Variants in ODAD1 observed in about 807,000 individuals in gnomAD.
ODAD1 encodes outer dynein arm docking complex subunit 1, also known as outer dynein arm-docking complex subunit 1.
ODAD1 carries 49 observed loss-of-function variants against 67.2 expected under a neutral mutation model. The ratio of observed to expected loss-of-function variants is 0.73; its 90% CI spans 0.58 to 0.92. ODAD1 has a LOEUF of 0.92. Among genes scored for constraint, ODAD1 ranks in the 40% least tolerant of loss-of-function variants. ODAD1 has a pLI of 0.00. For missense variants in ODAD1, 897 were observed against 953.7 expected (o/e 0.94, Z 0.78); for synonymous variants, 345 against 393.7 (o/e 0.88, Z 1.46).
Position 48,303,049 on chromosome 19 carries a change from G to A in ODAD1, c.1035C>T (p.Asn345=), listed in dbSNP as rs774088366. 1 of 1,614,136 alleles carries A rather than the reference G, an allele frequency of 6.2e-7. No individual in the cohort carries two copies. Among genetic ancestry groups the A allele is most frequent in the Admixed American group, 1.7e-5 (1 of 60,016 alleles). The change falls in exon 11 of 16, where the codon AAC becomes AAT. Residue 345 remains asparagine (N), a synonymous_variant. Coordinates refer to ENST00000674294, the MANE Select transcript of ODAD1 (RefSeq NM_001364171.2). ...CTTCCTGCACATGCTCCAGCTCCAA[G>A]TTCTGCTCGTTGATGAAGTTGAACT... ...FAEFNFINEQ[N]LELEHVQEEI... is the part of the protein sequence containing the mutation.
chr19:48,321,789 C>G lies in ODAD1; in HGVS notation c.-175G>C. 1 of 398,644 alleles carries G rather than the reference C, an allele frequency of 2.5e-6. No homozygotes were observed. The highest frequency in any genetic ancestry group is 4.4e-6 in the Non-Finnish European group (1 of 226,082). The allele number at this position is 398,644 out of a possible 1,614,324, so 24.7% of individuals were successfully genotyped here. ...GAGCCCGAGAGGTGCCGGTCTTAAG[C>G]TGACTGTGACCACGTTAAATTAAGG... On this transcript the variant is annotated 5_prime_UTR_variant, in exon 1 of 16. Coordinates refer to ENST00000674294, the MANE Select transcript of ODAD1 (RefSeq NM_001364171.2).
At chr19:48,316,493 A>G (rs1968902648) in intron 5 of ODAD1, among the ~76,000 whole-genome samples, 1 of 152,144 alleles carries the variant, frequency 6.6e-6, no homozygotes, top group Admixed American at 6.5e-5. Flanking sequence ...TCCTTCCCGC[A>G]ACACTTGGTA....
chr19:48,318,005 G>A (rs1206337187), intron 5 of ODAD1, among the ~76,000 whole-genome samples: 3 of 151,688 alleles, frequency 2.0e-5, no homozygotes, highest in Admixed American at 1.3e-4. Context: ...CCTGGGAGGC[G>A]AAGCTTGCAG....
At chr19:48,305,120 G>T (rs1968571318) in intron 8 of ODAD1, among the ~76,000 whole-genome samples, 1 of 152,144 alleles carries the variant, frequency 6.6e-6, no homozygotes, top group Non-Finnish European at 1.5e-5. Context: ...AGCCAGAGAA[G>T]AACTTAGTAG....
At chr19:48,315,525 C>T (rs533327872) in intron 5 of ODAD1, among the ~76,000 whole-genome samples, 1 of 152,282 alleles carries the variant, frequency 6.6e-6, no homozygotes, top group South Asian at 2.1e-4. Context: ...GCCTGGGTGA[C>T]AGAGCGAGAC....
intron 6 of ODAD1, 133 bp from the exon 7 acceptor site, chr19:48,311,799 G>T: frequency 1.3e-6 from 1 of 780,902 alleles, no homozygotes; most frequent in Non-Finnish European, 2.1e-6. Flanking sequence ...GTTCTTTGGG[G>T]TTCCCGAAAT....
intron 5 of ODAD1, among the ~76,000 whole-genome samples, chr19:48,315,331 G>C (rs1968869498): frequency 6.6e-6 from 1 of 152,176 alleles, no homozygotes; most frequent in Non-Finnish European, 1.5e-5. Flanking sequence ...GATCCCCTGA[G>C]GTCAGGAGTT....
At chr19:48,314,970 C>T (rs1373098220) in intron 5 of ODAD1, among the ~76,000 whole-genome samples, 1 of 151,714 alleles carries the variant, frequency 6.6e-6, no homozygotes, top group Non-Finnish European at 1.5e-5. Context: ...AAAGAAATGT[C>T]CAAAATGTTG....
chr19:48,306,229 C>A, intron 8 of ODAD1, 27 bp downstream of exon 8: 1 of 1,551,250 alleles, frequency 6.4e-7, no homozygotes, highest in African/African-American at 1.4e-5. Flanking sequence ...CTGGGTCCCG[C>A]CATCCCAGGA....
rs757626365 is a variant in ODAD1 at position 48,297,062 on chromosome 19, C to T, written c.2038G>A (p.Gly680Arg). The T allele has an allele frequency of 3.1e-6, 5 of 1,613,004 alleles. No homozygotes were observed. The highest frequency in any genetic ancestry group is 1.7e-4 in the Middle Eastern group (1 of 6,034). ...GTASDSSGGL[G>R]SSRDHVSSTG... ...CTGGAGACGTGGTCTCTGCTGGACCCGAGGCCTCCGCTCGAATCAGACGCT... is the reference window on the plus strand; with the variant it reads ...CTGGAGACGTGGTCTCTGCTGGACCTGAGGCCTCCGCTCGAATCAGACGCT... The change falls in exon 16 of 16, where the codon GGG (glycine) becomes AGG (arginine). Residue 680 changes from glycine to arginine, a missense_variant. Transcript: ENST00000674294.
intron 12 of ODAD1, chr19:48,301,232 C>T (rs1968454807): frequency 6.6e-6 from 1 of 152,190 alleles, no homozygotes; most frequent in Admixed American, 6.5e-5. Flanking sequence ...AATCTTGCGA[C>T]CAGTGTGGAA....
rs373284578 is a variant in ODAD1, at chr19:48,303,675, G to C, written c.963C>G (p.Asp321Glu). ...LSQLMGESDP[D>E]LLVQKYLEIE... ...TCTCCAGATACTTCTGCACCAACAG[G>C]TCAGGGTCACTCTCCCCCATCAGCT... The change falls in exon 10 of 16, where the codon GAC becomes GAG. Residue 321 changes from aspartate (D) to glutamate (E), a missense_variant. By Grantham distance (45) the Asp-to-Glu change is conservative (BLOSUM62 2). Coordinates refer to ENST00000674294, the MANE Select transcript of ODAD1 (RefSeq NM_001364171.2). 5.6e-6 allele frequency: 9 copies of C among 1,614,030 alleles called. No individual in the cohort carries two copies. The African/African-American group carries it at 9.3e-5, about 17-fold the overall frequency.
intron 10 of ODAD1, 185 bp from the exon 11 acceptor site, chr19:48,303,280 C>T: frequency 1.6e-6 from 1 of 631,542 alleles, no homozygotes; most frequent in Non-Finnish European, 2.8e-6. Context: ...GAAGATACGG[C>T]AGGTGGGACA....
rs574169405 is a variant in ODAD1 at position 48,321,755 on chromosome 19, T to C, written c.-141A>G. ...AGCCCTCGAAGCCAGGCCGAGGTCCTACAAGACGGAGCCCGAGAGGTGCCG... is the reference window on the plus strand; with the variant it reads ...AGCCCTCGAAGCCAGGCCGAGGTCCCACAAGACGGAGCCCGAGAGGTGCCG... On this transcript the variant is annotated 5_prime_UTR_variant, in exon 1 of 16. Transcript: ENST00000674294. 1.9e-4 allele frequency: 76 copies of C among 397,838 alleles called. No homozygotes were observed. Among genetic ancestry groups the C allele is most frequent in the Non-Finnish European group, 2.1e-4 (47 of 225,730 alleles). The allele number at this position is 397,838 out of a possible 1,614,324, so 24.6% of individuals were successfully genotyped here.
Position 48,297,095 on chromosome 19 carries a change from C to A in ODAD1, c.2005G>T (p.Gly669Ter), listed in dbSNP as rs140189114. The change falls in exon 16 of 16, where the codon GGA becomes TGA. Residue 669 changes from glycine (G) to a stop codon, truncating the protein, a stop_gained. Transcript: ENST00000674294. LOFTEE classifies it low-confidence loss of function (END_TRUNC). ...CCGCTCGAATCAGACGCTGTGCCTCCGCTCTCCACACCACCCTCTGTGTTT... is the reference window on the plus strand; with the variant it reads ...CCGCTCGAATCAGACGCTGTGCCTCAGCTCTCCACACCACCCTCTGTGTTT... ...GENTEGGVES[G>*]GTASDSSGGL... 1 of 1,613,522 alleles carries A rather than the reference C, an allele frequency of 6.2e-7. No individual in the cohort carries two copies. The highest frequency in any genetic ancestry group is 2.2e-5 in the East Asian group (1 of 44,864).
Position 48,302,847 on chromosome 19 carries a change from C to G in ODAD1, c.1087G>C (p.Val363Leu). The change falls in exon 12 of 16, where the codon GTG becomes CTG. Residue 363 changes from valine (V) to leucine (L), a missense_variant. Coordinates refer to ENST00000674294, the MANE Select transcript of ODAD1 (RefSeq NM_001364171.2). ...EEIKEMQEAL[V>L]SARASKDDQH... is the part of the protein sequence containing the mutation. ...TCATCCTTGCTGGCACGTGCGCTCA[C>G]CAAAGCCTCCTGCATCTGTGGGGAC... The G allele has an allele frequency of 6.2e-7, 1 of 1,613,960 alleles. No homozygotes were observed. Among genetic ancestry groups the G allele is most frequent in the Non-Finnish European group, 8.5e-7 (1 of 1,179,960 alleles).
In ODAD1 at chr19:48,297,045, G is replaced by T; in HGVS notation, c.2055C>A (p.His685Gln). 6.2e-7 allele frequency: 1 copy of T among 1,612,732 alleles called. No homozygotes were observed. Among genetic ancestry groups the T allele is most frequent in the Non-Finnish European group, 8.5e-7 (1 of 1,179,886 alleles). ...SSGGLGSSRD[H>Q]VSSTGPASST... ...TGGAGGCAGGGCCGGTGCTGGAGACGTGGTCTCTGCTGGACCCGAGGCCTC... is the reference window on the plus strand; with the variant it reads ...TGGAGGCAGGGCCGGTGCTGGAGACTTGGTCTCTGCTGGACCCGAGGCCTC... The change falls in exon 16 of 16, where the codon CAC becomes CAA. Residue 685 changes from histidine (H) to glutamine (Q), a missense_variant. His to Gln is a conservative substitution (Grantham distance 24, BLOSUM62 0). Coordinates refer to ENST00000674294, the MANE Select transcript of ODAD1 (RefSeq NM_001364171.2).
At chr19:48,319,972 A>G in intron 3 of ODAD1, 1 of 923,636 alleles carries the variant, frequency 1.1e-6, no homozygotes, top group Non-Finnish European at 1.3e-6. Context: ...CCAAGAGTCA[A>G]CAGTACCAAG....
At chr19:48,311,507 T>C in intron 7 of ODAD1, 46 bp downstream of exon 7, 1 of 1,111,106 alleles carries the variant, frequency 9.0e-7, no homozygotes, top group Non-Finnish European at 1.3e-6. Flanking sequence ...GGGGAGGACC[T>C]GCGCAGGGGT....
Sources: allele counts gnomAD v4.1 joint callset (sites outside exome capture counted in the v4.1 genomes callset), GRCh38; gene constraint gnomAD v4.1.1; transcripts MANE v1.5; gene names NCBI Gene and HGNC (gene_info 2026-07-23, HGNC 2026-07-21).